ABHD6: variants seen among roughly 807,000 people sequenced by gnomAD.
The protein encoded by ABHD6 is monoacylglycerol lipase ABHD6.
In ABHD6, 33 loss-of-function variants were observed where a neutral mutation model predicts 38.8. The observed-to-expected ratio is 0.85, with a 90% CI of 0.64 to 1.14. The LOEUF (loss-of-function observed/expected upper bound fraction) is 1.14, where lower values mean the gene tolerates loss of function less well. Ranked by LOEUF, ABHD6 falls within the 50% of genes most tolerant of loss-of-function variation. The pLI is 0.00. For missense variants in ABHD6, 380 were observed against 422.6 expected (o/e 0.90, Z 0.88); for synonymous variants, 147 against 161.6 (o/e 0.91, Z 0.69).
At position 58,269,964 on chromosome 3, in the gene ABHD6, T is replaced by A. The variant is rs1046063388; in HGVS notation, c.390+530T>A. On this transcript the variant is annotated intron_variant, in intron 5 of 9. Coordinates refer to ENST00000478253, the MANE Select transcript of ABHD6 (RefSeq NM_001320126.2). The surrounding 1 kb of genome is among the most constrained non-coding windows in gnomAD (Gnocchi z 4.4). ...TTGACCTTAAATATTTTCCCCCAAATGAGGATATTTAATATCTGCCTCCTC... is the reference window on the plus strand; with the variant it reads ...TTGACCTTAAATATTTTCCCCCAAAAGAGGATATTTAATATCTGCCTCCTC... 6.6e-6 allele frequency among the ~76,000 whole-genome samples: 1 copy of A among 152,234 alleles called. No individual in the cohort carries two copies. Among genetic ancestry groups the A allele is most frequent in the African/African-American group, 2.4e-5 (1 of 41,460 alleles).
intron 2 of ABHD6, among the ~76,000 whole-genome samples, chr3:58,255,930 C>A (rs1334237186): frequency 6.6e-6 from 1 of 152,160 alleles, no homozygotes; most frequent in Non-Finnish European, 1.5e-5. Flanking sequence ...CAGGTGTGAG[C>A]CACTGCACCT....
intron 1 of ABHD6, among the ~76,000 whole-genome samples, chr3:58,243,905 C>T (rs2097424537): frequency 6.6e-6 from 1 of 152,104 alleles, no homozygotes; most frequent in Non-Finnish European, 1.5e-5. Context: ...GATCCACCTG[C>T]CTTGGCCTCC....
At chr3:58,264,408 C>CACACAT (rs2097439357) in intron 3 of ABHD6, among the ~76,000 whole-genome samples, 1 of 128,144 alleles carries the variant, frequency 7.8e-6, no homozygotes. Context: ...CACACACACA[C>CACACAT]ACACACACAC....
intron 9 of ABHD6, among the ~76,000 whole-genome samples, chr3:58,289,644 C>A (rs1431994250): frequency 9.9e-5 from 15 of 152,234 alleles, no homozygotes; most frequent in African/African-American, 3.6e-4. Flanking sequence ...TCTTTCTACA[C>A]AGACACGGCA....
chr3:58,286,846 G>GCATATATATATATATATATATA (rs1304640108), intron 9 of ABHD6, among the ~76,000 whole-genome samples: 2 of 90,222 alleles, frequency 2.2e-5, no homozygotes, highest in African/African-American at 4.2e-5. Flanking sequence ...GTGTGTGTGT[G>GCATATATATATATATATATATA]TGTGTGTATA....
chr3:58,251,531 A>G lies in ABHD6; in HGVS notation c.-26+1589A>G, dbSNP rs2097429948. On this transcript the variant is annotated intron_variant, in intron 2 of 9. Transcript: ENST00000478253. This position sits in a 1 kb window ranked among gnomAD's most constrained non-coding sequence, Gnocchi z 5.4. ...TGAGATGTGCCTTACTCCTAACCCC[A>G]GATTAAACTTCATTTCCCTGATGTA... Among the ~76,000 whole-genome samples, 1 of 152,212 alleles carries G rather than the reference A, an allele frequency of 6.6e-6. No homozygotes were observed. The highest frequency in any genetic ancestry group is 2.4e-5 in the African/African-American group (1 of 41,454).
At chr3:58,286,858 ATATATATATATGTATATG>A (rs2097457658) in intron 9 of ABHD6, among the ~76,000 whole-genome samples, 1 of 125,430 alleles carries the variant, frequency 8.0e-6, no homozygotes, top group Non-Finnish European at 1.7e-5. Flanking sequence ...GTGTGTATAT[ATATATATATATGTATATG>A]TATATATAAG....
In ABHD6 at chr3:58,265,374, A is replaced by G. The variant is rs1172926746; in HGVS notation, c.120-1815A>G. Among the ~76,000 whole-genome samples, 2 of 152,152 alleles carry G rather than the reference A, an allele frequency of 1.3e-5. No homozygotes were observed. The highest frequency in any genetic ancestry group is 4.8e-5 in the African/African-American group (2 of 41,430). On this transcript the variant is annotated intron_variant, in intron 3 of 9. Coordinates refer to ENST00000478253, the MANE Select transcript of ABHD6 (RefSeq NM_001320126.2). The surrounding 1 kb of genome is among the most constrained non-coding windows in gnomAD (Gnocchi z 4.2). ...AGATCAATTTGTAAGCTTTTTATTT[A>G]TTAAGGATATCATTCTGCAGCTGTC...
chr3:58,241,395 C>T (rs2107410009), intron 1 of ABHD6, among the ~76,000 whole-genome samples: 1 of 152,264 alleles, frequency 6.6e-6, no homozygotes, highest in East Asian at 1.9e-4. Flanking sequence ...CTGTCATGAG[C>T]TTCTGTGCGG....
At chr3:58,245,841 AC>A (rs2097426019) in intron 1 of ABHD6, among the ~76,000 whole-genome samples, 2 of 151,336 alleles carry the variant, frequency 1.3e-5, no homozygotes, top group African/African-American at 4.9e-5. Flanking sequence ...GAAAGAAAGA[AC>A]AAAAAAAGAA....
chr3:58,274,571 TG>T, intron 6 of ABHD6, 86 bp from the exon 7 acceptor site: 1 of 1,379,250 alleles, frequency 7.3e-7, no homozygotes, highest in Non-Finnish European at 9.9e-7. Flanking sequence ...ATATTAACTC[TG>T]GGCTGCTGTC....
chr3:58,280,919 C>A (rs528314435), intron 7 of ABHD6, among the ~76,000 whole-genome samples: 2 of 152,310 alleles, frequency 1.3e-5, no homozygotes, highest in East Asian at 1.9e-4. Flanking sequence ...GTATCACCAG[C>A]GGAGTCTGCA....
rs2097438972 is a variant in ABHD6, at chr3:58,263,996, TCA to T, written c.120-3192_120-3191del. On this transcript the variant is annotated intron_variant, in intron 3 of 9. Transcript: ENST00000478253. This position sits in a 1 kb window ranked among gnomAD's most constrained non-coding sequence, Gnocchi z 4.9. ...ACAGTTTTTTTTAACAGAATTGGAA[TCA>T]ATAGTATTTAAAAAAATTGGGTCCT... Among the ~76,000 whole-genome samples, 1 of 152,124 alleles carries T rather than the reference TCA, an allele frequency of 6.6e-6. No individual in the cohort carries two copies. Among genetic ancestry groups the T allele is most frequent in the Non-Finnish European group, 1.5e-5 (1 of 68,028 alleles).
chr3:58,244,387 T>G (rs2097424898), intron 1 of ABHD6, among the ~76,000 whole-genome samples: 1 of 152,204 alleles, frequency 6.6e-6, no homozygotes, highest in Non-Finnish European at 1.5e-5. Flanking sequence ...AATGGCTTCT[T>G]TATGATAGCA....
intron 2 of ABHD6, among the ~76,000 whole-genome samples, chr3:58,250,777 C>T (rs1292761852): frequency 6.6e-6 from 1 of 152,156 alleles, no homozygotes; most frequent in Non-Finnish European, 1.5e-5. Context: ...TTCTTATCCA[C>T]ATGTAGCTGT....
rs1298413605 is a variant in ABHD6, at chr3:58,273,654, C to G, written c.524-1004C>G. Among the ~76,000 whole-genome samples the G allele has an allele frequency of 1.3e-5, 2 of 152,140 alleles. No homozygotes were observed. The highest frequency in any genetic ancestry group is 2.9e-5 in the Non-Finnish European group (2 of 68,026). On this transcript the variant is annotated intron_variant, in intron 6 of 9. Coordinates refer to ENST00000478253, the MANE Select transcript of ABHD6 (RefSeq NM_001320126.2). This position sits in a 1 kb window ranked among gnomAD's most constrained non-coding sequence, Gnocchi z 4.8. ...AAACCAAACACCGCATGTTCTCACT[C>G]ATAAGTGCGAGTTGAACAGTGAGAA...
At chr3:58,279,498 A>C (rs1157632782) in intron 7 of ABHD6, among the ~76,000 whole-genome samples, 1 of 152,034 alleles carries the variant, frequency 6.6e-6, no homozygotes, top group African/African-American at 2.4e-5. Flanking sequence ...GTGTCTCTGC[A>C]TGTGAGATGG....
intron 1 of ABHD6, among the ~76,000 whole-genome samples, chr3:58,249,447 C>T (rs1233067542): frequency 6.6e-6 from 1 of 152,212 alleles, no homozygotes; most frequent in East Asian, 1.9e-4. Flanking sequence ...TGCAGCCCCC[C>T]TGACAGTACC....
rs1162539258 is a variant in ABHD6 at position 58,263,682 on chromosome 3, T to C, written c.120-3507T>C. 6.6e-6 allele frequency among the ~76,000 whole-genome samples: 1 copy of C among 152,246 alleles called. No homozygotes were observed. Among genetic ancestry groups the C allele is most frequent in the East Asian group, 1.9e-4 (1 of 5,202 alleles). ...GCTTCCAGCTGATGTATGTTGAGTA[T>C]CCAGTAGTCTGCTGAAGTTTCACCT... On this transcript the variant is annotated intron_variant, in intron 3 of 9. Transcript: ENST00000478253. The surrounding 1 kb of genome is among the most constrained non-coding windows in gnomAD (Gnocchi z 4.9).
Sources: gnomAD v4.1 joint callset for allele counts (sites outside exome capture counted in the v4.1 genomes callset) on GRCh38, gnomAD v4.1.1 for gene constraint, Gnocchi (gnomAD v3.1) non-coding constraint, MANE v1.5 for transcripts, NCBI Gene and HGNC (gene_info 2026-07-23, HGNC 2026-07-21) for gene names.